CSMD2: variants seen among roughly 807,000 people sequenced by gnomAD.
CSMD2 encodes the protein CUB and sushi domain-containing protein 2.
CSMD2 carries 130 observed loss-of-function variants against 398.5 expected under a neutral mutation model. The observed-to-expected ratio is 0.33, with a 90% CI of 0.28 to 0.38. CSMD2 has a LOEUF of 0.38. Among genes scored for constraint, CSMD2 ranks in the 10% least tolerant of loss-of-function variants. The pLI is 1.00. For synonymous variants in CSMD2, 1,828 were observed against 1,908.5 expected (o/e 0.96, Z 1.10); for missense variants, 3,829 against 4,764.9 (o/e 0.80, Z 5.78).
chr1:34,042,411 C>T (rs1263878711), intron 2 of CSMD2, among the ~76,000 whole-genome samples: 3 of 152,152 alleles, frequency 2.0e-5, no homozygotes, highest in Admixed American at 2.0e-4. Flanking sequence ...TAAATGAGAA[C>T]CATTCAATAA....
intron 6 of CSMD2, among the ~76,000 whole-genome samples, chr1:33,842,727 A>G (rs1244240734): frequency 6.6e-6 from 1 of 152,218 alleles, no homozygotes; most frequent in East Asian, 1.9e-4. Flanking sequence ...TGTGAATTTC[A>G]TGCAGTTTTC....
At chr1:34,044,509 C>A (rs895947791) in intron 2 of CSMD2, among the ~76,000 whole-genome samples, 1 of 152,010 alleles carries the variant, frequency 6.6e-6, no homozygotes, top group East Asian at 1.9e-4. Flanking sequence ...GAAGCTGAGG[C>A]TGTTGCTACA....
intron 48 of CSMD2, among the ~76,000 whole-genome samples, chr1:33,579,702 G>A (rs965119637): frequency 1.3e-5 from 2 of 149,414 alleles, no homozygotes; most frequent in African/African-American, 5.0e-5. Flanking sequence ...TTTTGAGACA[G>A]AGTTTCACTC....
At chr1:33,617,039 G>A in intron 38 of CSMD2, 64 bp from the exon 39 acceptor site, 1 of 1,315,570 alleles carries the variant, frequency 7.6e-7, no homozygotes, top group Non-Finnish European at 1.1e-6. Context: ...TGTACAACCA[G>A]GGGCTGTACA....
intron 3 of CSMD2, among the ~76,000 whole-genome samples, chr1:33,953,280 A>G (rs569509892): frequency 6.6e-6 from 1 of 152,330 alleles, no homozygotes; most frequent in South Asian, 2.1e-4. Flanking sequence ...GCTCCCCACC[A>G]TATTAAACAC....
intron 19 of CSMD2, among the ~76,000 whole-genome samples, chr1:33,719,763 A>T (rs1646294700): frequency 6.6e-6 from 1 of 152,214 alleles, no homozygotes; most frequent in Admixed American, 6.5e-5. Context: ...TGTAATATGT[A>T]GGCAATAATA....
intron 13 of CSMD2, among the ~76,000 whole-genome samples, chr1:33,760,250 TGAGATGTTTA>T (rs1428556035): frequency 1.3e-5 from 2 of 152,084 alleles, no homozygotes; most frequent in African/African-American, 4.8e-5. Context: ...CCCTCTTCAT[TGAGATGTTTA>T]GAGGTCTTTC....
intron 3 of CSMD2, among the ~76,000 whole-genome samples, chr1:33,998,321 T>C (rs1570760706): frequency 6.6e-6 from 1 of 152,184 alleles, no homozygotes; most frequent in Non-Finnish European, 1.5e-5. Flanking sequence ...CCCTAGTCCT[T>C]GGATTTCTCA....
intron 5 of CSMD2, among the ~76,000 whole-genome samples, chr1:33,903,606 C>T (rs1423591748): frequency 6.6e-6 from 1 of 152,170 alleles, no homozygotes; most frequent in Non-Finnish European, 1.5e-5. Flanking sequence ...CTCCTCCAAA[C>T]AAACCAACCT....
chr1:33,819,650 G>A (rs1041586472), intron 9 of CSMD2, 63 bp downstream of exon 9: 2 of 1,522,716 alleles, frequency 1.3e-6, no homozygotes. Context: ...CTGGGAGCTG[G>A]GCTTCAGCCT....
chr1:34,017,082 T>C (rs1276575274), intron 3 of CSMD2, among the ~76,000 whole-genome samples: 1 of 152,226 alleles, frequency 6.6e-6, no homozygotes, highest in Non-Finnish European at 1.5e-5. Context: ...CCAGTATATA[T>C]GCCAGTTTGG....
chr1:33,603,210 C>T (rs945517461), intron 42 of CSMD2, among the ~76,000 whole-genome samples: 6 of 152,082 alleles, frequency 3.9e-5, no homozygotes, highest in African/African-American at 7.2e-5. Flanking sequence ...TGGAAGAGGA[C>T]GCATTTGCTA....
chr1:34,149,818 G>A (rs1640123272), intron 1 of CSMD2, among the ~76,000 whole-genome samples: 1 of 152,184 alleles, frequency 6.6e-6, no homozygotes, highest in African/African-American at 2.4e-5. Context: ...AGGGCTAATT[G>A]TAAAGGAGGG....
At chr1:33,967,703 A>G (rs1003993278) in intron 3 of CSMD2, among the ~76,000 whole-genome samples, 1 of 152,192 alleles carries the variant, frequency 6.6e-6, no homozygotes, top group Non-Finnish European at 1.5e-5. Flanking sequence ...GAGTAGGGCC[A>G]ATAGGTTTGG....
chr1:33,822,538 C>T (rs1434674801), intron 7 of CSMD2, among the ~76,000 whole-genome samples: 1 of 152,164 alleles, frequency 6.6e-6, no homozygotes, highest in Admixed American at 6.5e-5. Flanking sequence ...CCAGTTACCC[C>T]TACCCCTACT....
chr1:33,733,276 T>G (rs2149227921), intron 15 of CSMD2, among the ~76,000 whole-genome samples: 1 of 152,302 alleles, frequency 6.6e-6, no homozygotes, highest in Admixed American at 6.5e-5. Context: ...ACTACCCACC[T>G]GTGCCCCTTA....
chr1:34,062,581 G>C (rs1449829237), intron 2 of CSMD2, among the ~76,000 whole-genome samples: 1 of 152,216 alleles, frequency 6.6e-6, no homozygotes, highest in Non-Finnish European at 1.5e-5. Flanking sequence ...GCAAGACCAT[G>C]AGCAAGAGAT....
chr1:34,067,959 T>C (rs1347041657), intron 2 of CSMD2, among the ~76,000 whole-genome samples: 3 of 152,192 alleles, frequency 2.0e-5, no homozygotes, highest in Non-Finnish European at 4.4e-5. Context: ...GACAGAGAGC[T>C]ACAGCCCCAC....
intron 3 of CSMD2, among the ~76,000 whole-genome samples, chr1:33,972,850 T>C (rs539782450): frequency 8.5e-5 from 13 of 152,320 alleles, no homozygotes; most frequent in Admixed American, 3.3e-4. Flanking sequence ...GACCACGACC[T>C]GCACGAGCGC....
Sources: gnomAD v4.1 joint callset for allele counts (sites outside exome capture counted in the v4.1 genomes callset) on GRCh38, gnomAD v4.1.1 for gene constraint, MANE v1.5 for transcripts, NCBI Gene and HGNC (gene_info 2026-07-23, HGNC 2026-07-21) for gene names.